Variants in BIRC5 observed in about 807,000 individuals in gnomAD.
BIRC5 encodes the protein baculoviral IAP repeat-containing protein 5.
A neutral mutation model predicts 15.8 loss-of-function variants in BIRC5; 8 were observed. That is an observed-to-expected ratio of 0.51 (90% CI 0.30 to 0.91). BIRC5 has a LOEUF of 0.91. Among genes scored for constraint, BIRC5 ranks in the 40% least tolerant of loss-of-function variants. The pLI, the probability that BIRC5 is intolerant of heterozygous loss-of-function variation, is 0.07. For missense variants in BIRC5, 163 were observed against 178.6 expected, an observed-to-expected ratio of 0.91 and a Z score of 0.50; for synonymous variants, 56 against 64.5, an observed-to-expected ratio of 0.87 and a Z score of 0.63.
chr17:78,220,317 A>G (rs1447290927), intron 3 of BIRC5, among the ~76,000 whole-genome samples: 1 of 151,980 alleles, frequency 6.6e-6, no homozygotes, highest in Non-Finnish European at 1.5e-5. Flanking sequence ...AGTCCCAGCT[A>G]CTCGGGAGGC....
intron 3 of BIRC5, 50 bp downstream of exon 3, chr17:78,216,831 A>C: frequency 7.0e-7 from 1 of 1,423,542 alleles, no homozygotes; most frequent in Non-Finnish European, 9.8e-7. Flanking sequence ...TGTCTTTAGC[A>C]CTAAACTACC....
chr17:78,222,761 T>C, intron 3 of BIRC5: 1 of 1,524,128 alleles, frequency 6.6e-7, no homozygotes, highest in Non-Finnish European at 8.8e-7. Flanking sequence ...GGAGTTAGGG[T>C]TTATAAAAAA....
rs1599033371 is a variant in BIRC5, at chr17:78,223,047, TA to T, written c.340-417del. On this transcript the variant is annotated intron_variant, in intron 3 of 3. Transcript: ENST00000350051. ...CCTAGACTAGCTGGGGTGCCTAGACTAGCTGGGGTGCCCAGACTAGCTGGGG... is the reference window on the plus strand; with the variant it reads ...CCTAGACTAGCTGGGGTGCCTAGACTGCTGGGGTGCCCAGACTAGCTGGGG... 16 of 585,718 alleles carry T rather than the reference TA, an allele frequency of 2.7e-5. No homozygotes were observed. The East Asian group carries it at 1.0e-3, about 36-fold the overall frequency. 36.3% of individuals were successfully genotyped at this position (585,718 alleles called of 1,614,324 possible).
intron 3 of BIRC5, among the ~76,000 whole-genome samples, chr17:78,219,540 G>A (rs74849780): frequency 0.032 from 4,816 of 152,228 alleles, 98 homozygotes; most frequent in African/African-American, 0.053. Context: ...TCAGGAAGAG[G>A]CCAGTTGTGG....
intron 2 of BIRC5, chr17:78,214,990 C>A: frequency 1.8e-6 from 1 of 543,596 alleles, no homozygotes; most frequent in Non-Finnish European, 3.3e-6. Flanking sequence ...GACCAAAATG[C>A]CTTGGGGTGG....
chr17:78,214,627 C>A, intron 1 of BIRC5, 53 bp from the exon 2 acceptor site: 3 of 1,498,850 alleles, frequency 2.0e-6, no homozygotes, highest in Non-Finnish European at 1.8e-6. Context: ...TGTGGCTGGG[C>A]CTCGGGGTTC....
chr17:78,221,206 A>G (rs1949465594), intron 3 of BIRC5, among the ~76,000 whole-genome samples: 1 of 152,204 alleles, frequency 6.6e-6, no homozygotes, highest in Non-Finnish European at 1.5e-5. Context: ...TGAGGACAAA[A>G]CGAAGCACTA....
At chr17:78,222,965 A>C in intron 3 of BIRC5, 12 of 1,509,972 alleles carry the variant, frequency 7.9e-6, no homozygotes, top group Non-Finnish European at 1.1e-5. Context: ...AAGGCTCTGG[A>C]CTTTCCTCCA....
rs2076529849 is a variant in BIRC5 at position 78,223,634 on chromosome 17, G to T, written c.*80G>T. The T allele has an allele frequency of 1.9e-6, 3 of 1,597,510 alleles. No homozygotes were observed. Among genetic ancestry groups the T allele is most frequent in the Non-Finnish European group, 2.6e-6 (3 of 1,171,874 alleles). On this transcript the variant is annotated 3_prime_UTR_variant, in exon 4 of 4. Transcript: ENST00000350051. ...ATTCCCTGGTGCCACCAGCCTTCCT[G>T]TGGGCCCCTTAGCAATGTCTTAGGA...
rs2076482160 is a variant in BIRC5 at position 78,216,879 on chromosome 17, C to CT, written c.339+98_339+99insT. 5 of 907,444 alleles carry CT rather than the reference C, an allele frequency of 5.5e-6. No individual in the cohort carries two copies. The African/African-American group carries it at 8.7e-5, about 16-fold the overall frequency. The allele number at this position is 907,444 out of a possible 1,614,324, so 56.2% of individuals were successfully genotyped here. Reference sequence around the variant, plus strand: ...GGGACTCTGTGTTTTCCTCAGGAAGCATTTTTTTTTTTTTTCTGAGATAGA... The same window carrying CT: ...GGGACTCTGTGTTTTCCTCAGGAAGCTATTTTTTTTTTTTTTCTGAGATAGA... On this transcript the variant is annotated intron_variant, in intron 3 of 3. Coordinates refer to ENST00000350051, the MANE Select transcript of BIRC5 (RefSeq NM_001168.3).
At chr17:78,217,955 C>CTTATTTATTTAT (rs201966373) in intron 3 of BIRC5, among the ~76,000 whole-genome samples, 3 of 150,666 alleles carry the variant, frequency 2.0e-5, no homozygotes, top group African/African-American at 7.4e-5. Context: ...CCATGCCCAC[C>CTTATTTATTTAT]TTATTTATTT....
chr17:78,222,776 G>A (rs4789559), intron 3 of BIRC5: 572,274 of 1,528,296 alleles, frequency 0.37, 107,949 homozygotes, highest in South Asian at 0.43. Context: ...AAAAAATATG[G>A]TAGGGAAGGG....
In BIRC5 at chr17:78,214,341, G is replaced by T. The variant is rs143160639; in HGVS notation, c.25G>T (p.Ala9Ser). The T allele has an allele frequency of 1.9e-3, 3,046 of 1,608,950 alleles. 8 individuals carry two copies. The highest frequency in any genetic ancestry group is 2.5e-3 in the Non-Finnish European group (2,933 of 1,178,104). The change falls in exon 1 of 4, where the codon GCC (alanine) becomes TCC (serine). Residue 9 changes from alanine (A) to serine (S), a missense_variant. Physicochemically the swap from Ala to Ser is moderately conservative, Grantham distance 99 (BLOSUM62 1). Transcript: ENST00000350051. ...CATGGGTGCCCCGACGTTGCCCCCT[G>T]CCTGGCAGCCCTTTCTCAAGGACCA... MGAPTLPP[A>S]WQPFLKDHRI...
intron 3 of BIRC5, among the ~76,000 whole-genome samples, chr17:78,219,238 G>A (rs1280950983): frequency 3.3e-5 from 5 of 152,190 alleles, no homozygotes; most frequent in Non-Finnish European, 7.3e-5. Context: ...AGGCTGGAGT[G>A]TGGTGGTGCG....
At chr17:78,216,880 A>AT (rs376637371) in intron 3 of BIRC5, 99 bp downstream of exon 3, 59,958 of 680,892 alleles carry the variant, frequency 0.088, 263 homozygotes, top group African/African-American at 0.12. Context: ...CTCAGGAAGC[A>AT]TTTTTTTTTT....
chr17:78,214,723 C>G lies in BIRC5; in HGVS notation c.155C>G (p.Pro52Arg). ...GFIHCPTENE[P>R]DLAQCFFCFK... Reference sequence around the variant, plus strand: ...ATCCACTGCCCCACTGAGAACGAGCCAGACTTGGCCCAGTGTTTCTTCTGC... The same window carrying G: ...ATCCACTGCCCCACTGAGAACGAGCGAGACTTGGCCCAGTGTTTCTTCTGC... Residue 52 changes from proline (P) to arginine (R), a missense_variant, in exon 2 of 4, where the codon CCA becomes CGA. Coordinates refer to ENST00000350051, the MANE Select transcript of BIRC5 (RefSeq NM_001168.3). 9 of 1,612,168 alleles carry G rather than the reference C, an allele frequency of 5.6e-6. No individual in the cohort carries two copies. Among genetic ancestry groups the G allele is most frequent in the Non-Finnish European group, 6.8e-6 (8 of 1,179,266 alleles).
Position 78,224,490 on chromosome 17 carries a change from C to T in BIRC5, c.*936C>T, listed in dbSNP as rs1168304776. On this transcript the variant is annotated 3_prime_UTR_variant, in exon 4 of 4. Transcript: ENST00000350051. ...GCCCAACCTTCACATCTGTCACGTT[C>T]TCCACACGGGGGAGAGACGCAGTCC... The T allele has an allele frequency of 6.6e-6, 1 of 152,268 alleles. No homozygotes were observed. Among genetic ancestry groups the T allele is most frequent in the Admixed American group, 6.5e-5 (1 of 15,284 alleles). The allele number at this position is 152,268 out of a possible 1,614,324, so 9.4% of individuals were successfully genotyped here. A position where few individuals can be genotyped will look rare whatever the true frequency, so the allele number is the denominator to read the frequency against.
Position 78,214,789 on chromosome 17 carries a change from T to TGTAA in BIRC5, c.221+3_221+6dup. On this transcript the variant is annotated stop_gained and frameshift_variant and splice_region_variant. Coordinates refer to ENST00000350051, the MANE Select transcript of BIRC5 (RefSeq NM_001168.3). LOFTEE classifies it high-confidence loss of function. ...GGCTGGGAGCCAGATGACGACCCCA[T>TGTAA]GTAAGTCTTCTCTGGCCAGCCTCGA... The TGTAA allele has an allele frequency of 6.2e-7, 1 of 1,611,246 alleles. No individual in the cohort carries two copies. Among genetic ancestry groups the TGTAA allele is most frequent in the Non-Finnish European group, 8.5e-7 (1 of 1,178,678 alleles).
At chr17:78,223,405 C>T (rs2076527931) in intron 3 of BIRC5, 60 bp from the exon 4 acceptor site, 2 of 1,455,182 alleles carry the variant, frequency 1.4e-6, no homozygotes, top group Admixed American at 2.2e-5. Context: ...GTCATCTTAT[C>T]TACAGGATGT....
Sources: gnomAD v4.1 joint callset for allele counts (sites outside exome capture counted in the v4.1 genomes callset) on GRCh38, gnomAD v4.1.1 for gene constraint, MANE v1.5 for transcripts, NCBI Gene and HGNC (gene_info 2026-07-23, HGNC 2026-07-21) for gene names.